MLLT3: variants seen among roughly 807,000 people sequenced by gnomAD.
MLLT3 encodes the protein protein AF-9.
A neutral mutation model predicts 53.2 loss-of-function variants in MLLT3; 4 were observed. The observed-to-expected ratio is 0.08, with a 90% CI of 0.04 to 0.17. The LOEUF (loss-of-function observed/expected upper bound fraction) is 0.17, where lower values mean the gene tolerates loss of function less well. MLLT3 is among the 10% of genes least tolerant of loss of function. The pLI is 1.00. For synonymous variants in MLLT3, 283 were observed against 230.6 expected, an observed-to-expected ratio of 1.23 and a Z score of -2.06; for missense variants, 569 against 684.0, an observed-to-expected ratio of 0.83 and a Z score of 1.87.
At chr9:20,543,029 C>T (rs1051684450) in intron 2 of MLLT3, among the ~76,000 whole-genome samples, 6 of 152,336 alleles carry the variant, frequency 3.9e-5, no homozygotes, top group East Asian at 3.9e-4. Flanking sequence ...GCAGTTTCCT[C>T]ACTCCTCTCA....
At chr9:20,458,067 C>T (rs886390120) in intron 2 of MLLT3, among the ~76,000 whole-genome samples, 1 of 152,186 alleles carries the variant, frequency 6.6e-6, no homozygotes, top group African/African-American at 2.4e-5. Flanking sequence ...AGTGCCTGGT[C>T]CTCCTTCTAT....
intron 3 of MLLT3, among the ~76,000 whole-genome samples, chr9:20,453,052 A>G (rs895653967): frequency 1.4e-4 from 21 of 152,218 alleles, no homozygotes; most frequent in Admixed American, 1.2e-3. Context: ...AAAAATAAAG[A>G]AACAAATATA....
chr9:20,436,077 C>T (rs1823394481), intron 4 of MLLT3, among the ~76,000 whole-genome samples: 1 of 152,168 alleles, frequency 6.6e-6, no homozygotes, highest in South Asian at 2.1e-4. Context: ...CAAAGAATCA[C>T]AATACCCCAT....
intron 2 of MLLT3, among the ~76,000 whole-genome samples, chr9:20,459,987 G>C (rs957178965): frequency 8.5e-5 from 13 of 152,138 alleles, no homozygotes; most frequent in African/African-American, 2.9e-4. Flanking sequence ...AGTCAAATTA[G>C]GGGAAGTTGT....
chr9:20,446,763 A>C (rs1308578920), intron 4 of MLLT3, among the ~76,000 whole-genome samples: 2 of 152,244 alleles, frequency 1.3e-5, no homozygotes, highest in African/African-American at 4.8e-5. Flanking sequence ...AAAGGAGTAA[A>C]ACAGAGTTAC....
In MLLT3 at chr9:20,385,747, C is replaced by G. The variant is rs1453409473; in HGVS notation, c.1126-20003G>C. 2.0e-5 allele frequency among the ~76,000 whole-genome samples: 3 copies of G among 152,144 alleles called. No homozygotes were observed. In the South Asian group the frequency reaches 6.2e-4, roughly 32 times the overall value. On this transcript the variant is annotated intron_variant, in intron 5 of 10. Transcript: ENST00000380338. ...GGGGTGGGGTAGGGGAGACACTATC[C>G]TAGGATAATGTTTTCTCAAGAAGTT...
intron 2 of MLLT3, among the ~76,000 whole-genome samples, chr9:20,519,159 G>C (rs1391583658): frequency 1.3e-5 from 2 of 151,922 alleles, no homozygotes; most frequent in East Asian, 1.9e-4. Flanking sequence ...TGGTATCCTA[G>C]ATTAGATCTT....
intron 5 of MLLT3, among the ~76,000 whole-genome samples, chr9:20,394,493 A>G (rs1410861217): frequency 6.6e-6 from 1 of 152,144 alleles, no homozygotes. Context: ...AGGAGGGGGC[A>G]TTAGGGATGG....
intron 3 of MLLT3, among the ~76,000 whole-genome samples, chr9:20,449,104 C>T (rs929724951): frequency 3.9e-5 from 6 of 152,154 alleles, no homozygotes; most frequent in African/African-American, 1.4e-4. Flanking sequence ...CCCTTAACTC[C>T]CGACTCCCCA....
At chr9:20,582,487 T>C (rs1819819024) in intron 2 of MLLT3, among the ~76,000 whole-genome samples, 1 of 152,200 alleles carries the variant, frequency 6.6e-6, no homozygotes, top group African/African-American at 2.4e-5. Context: ...ATTGAAGTCA[T>C]ATAATATGTA....
intron 2 of MLLT3, among the ~76,000 whole-genome samples, chr9:20,584,833 G>A (rs540421153): frequency 5.9e-5 from 9 of 152,292 alleles, no homozygotes; most frequent in African/African-American, 1.9e-4. Context: ...ATGTCTTTTC[G>A]TAGTTTGATA....
At chr9:20,404,019 C>CTA (rs1822520599) in intron 5 of MLLT3, among the ~76,000 whole-genome samples, 1 of 152,066 alleles carries the variant, frequency 6.6e-6, no homozygotes, top group Non-Finnish European at 1.5e-5. Context: ...TGAGATTTCT[C>CTA]CATGTTGCCC....
intron 2 of MLLT3, among the ~76,000 whole-genome samples, chr9:20,506,191 A>G (rs1825376442): frequency 1.3e-5 from 2 of 151,802 alleles, no homozygotes; most frequent in Admixed American, 6.6e-5. Context: ...AGTAGTTGGG[A>G]TTACAGGTGC....
At chr9:20,574,262 CAAT>C (rs1252218154) in intron 2 of MLLT3, among the ~76,000 whole-genome samples, 2 of 152,134 alleles carry the variant, frequency 1.3e-5, no homozygotes, top group African/African-American at 4.8e-5. Flanking sequence ...CTTAGAGACA[CAAT>C]AAAAGAAGAA....
At chr9:20,511,816 T>C (rs1197848271) in intron 2 of MLLT3, among the ~76,000 whole-genome samples, 1 of 152,126 alleles carries the variant, frequency 6.6e-6, no homozygotes, top group African/African-American at 2.4e-5. Context: ...AAGTAAAGCT[T>C]AGAAGAGGAA....
At chr9:20,527,745 T>C (rs1818239364) in intron 2 of MLLT3, among the ~76,000 whole-genome samples, 1 of 152,312 alleles carries the variant, frequency 6.6e-6, no homozygotes, top group South Asian at 2.1e-4. Context: ...TCTTATATAA[T>C]GCATTTCAAA....
chr9:20,482,793 G>A (rs1213374393), intron 2 of MLLT3, among the ~76,000 whole-genome samples: 3 of 151,954 alleles, frequency 2.0e-5, no homozygotes, highest in African/African-American at 4.8e-5. Flanking sequence ...TTATTTCTTA[G>A]GTAAAAAATC....
At chr9:20,454,158 A>G (rs947737695) in intron 3 of MLLT3, among the ~76,000 whole-genome samples, 1 of 152,180 alleles carries the variant, frequency 6.6e-6, no homozygotes, top group African/African-American at 2.4e-5. Context: ...TATGTTTTAC[A>G]GTCATAATGA....
chr9:20,559,836 A>G (rs1365860202), intron 2 of MLLT3, among the ~76,000 whole-genome samples: 1 of 152,196 alleles, frequency 6.6e-6, no homozygotes, highest in African/African-American at 2.4e-5. Flanking sequence ...AAAAAGAAAG[A>G]CTGACTTTCT....
Sources: gnomAD v4.1 joint callset for allele counts (sites outside exome capture counted in the v4.1 genomes callset) on GRCh38, gnomAD v4.1.1 for gene constraint, MANE v1.5 for transcripts, NCBI Gene and HGNC (gene_info 2026-07-23, HGNC 2026-07-21) for gene names.